Variants in NRXN3 observed in about 807,000 individuals in gnomAD.
NRXN3 encodes neurexin III.
A neutral mutation model predicts 137.6 loss-of-function variants in NRXN3; 32 were observed. The ratio of observed to expected loss-of-function variants is 0.23; its 90% CI spans 0.18 to 0.31. The LOEUF is 0.31. NRXN3 is among the 10% of genes least tolerant of loss of function. The pLI is 1.00. For synonymous variants in NRXN3, 798 were observed against 784.5 expected, an observed-to-expected ratio of 1.02 and a Z score of -0.29; for missense variants, 1,574 against 2,062.5, an observed-to-expected ratio of 0.76 and a Z score of 4.59.
chr14:79,658,581 A>G (rs2098517870), intron 16 of NRXN3, among the ~76,000 whole-genome samples: 1 of 151,434 alleles, frequency 6.6e-6, no homozygotes, highest in African/African-American at 2.5e-5. Context: ...ACCCATCACA[A>G]CGAGACCCAA....
intron 15 of NRXN3, among the ~76,000 whole-genome samples, chr14:79,241,696 T>C (rs2074330822): frequency 6.6e-6 from 1 of 152,046 alleles, no homozygotes; most frequent in South Asian, 2.1e-4. Flanking sequence ...AAAACAACAA[T>C]AACAGCAACA....
At chr14:79,090,517 A>G (rs2048959878) in intron 15 of NRXN3, among the ~76,000 whole-genome samples, 1 of 152,036 alleles carries the variant, frequency 6.6e-6, no homozygotes. Context: ...TTACCCATCA[A>G]GTGATCATGC....
intron 15 of NRXN3, among the ~76,000 whole-genome samples, chr14:78,991,320 C>T (rs2099518418): frequency 6.6e-6 from 1 of 152,318 alleles, no homozygotes. Flanking sequence ...AGTCGAGTGC[C>T]ATCAAGGAAA....
chr14:79,678,092 T>C (rs1376068137), intron 17 of NRXN3, among the ~76,000 whole-genome samples: 2 of 152,178 alleles, frequency 1.3e-5, no homozygotes, highest in African/African-American at 2.4e-5. Flanking sequence ...CTCCCTCTTC[T>C]GGCTTCGATT....
intron 10 of NRXN3, among the ~76,000 whole-genome samples, chr14:78,816,708 A>T (rs898682963): frequency 2.0e-5 from 3 of 152,212 alleles, no homozygotes; most frequent in African/African-American, 7.2e-5. Context: ...TAAGTGCATT[A>T]TAAATATTGA....
intron 4 of NRXN3, among the ~76,000 whole-genome samples, chr14:78,404,797 G>T (rs923149240): frequency 2.0e-5 from 3 of 152,158 alleles, no homozygotes; most frequent in African/African-American, 7.2e-5. Flanking sequence ...GGAGTAATAA[G>T]GGAGAGTAAT....
intron 2 of NRXN3, among the ~76,000 whole-genome samples, chr14:78,272,929 C>T (rs1279340547): frequency 1.3e-5 from 2 of 152,036 alleles, no homozygotes; most frequent in Non-Finnish European, 2.9e-5. Flanking sequence ...TGTAAACTGT[C>T]TTTTCTTCGG....
intron 20 of NRXN3, among the ~76,000 whole-genome samples, chr14:79,859,684 G>A (rs2099410279): frequency 6.6e-6 from 1 of 152,042 alleles, no homozygotes; most frequent in African/African-American, 2.4e-5. Flanking sequence ...CTCAAACACT[G>A]ATTATACTAT....
intron 15 of NRXN3, among the ~76,000 whole-genome samples, chr14:79,366,313 G>A (rs190910020): frequency 4.6e-5 from 7 of 152,144 alleles, no homozygotes; most frequent in Admixed American, 4.6e-4. Context: ...TTTGTGTTAG[G>A]AACATTCCAA....
At position 78,913,992 on chromosome 14, in the gene NRXN3, T is replaced by A. The variant is rs561235376; in HGVS notation, c.2276-43250T>A. The stretch of plus-strand genomic sequence containing the variant: ...TGACACATCCCAGTCCTATTCCCAG[T>A]TCTGTGCCGGAGTCTCTGAACACTT... On this transcript the variant is annotated intron_variant, in intron 10 of 20. Transcript: ENST00000335750. 2.0e-5 allele frequency among the ~76,000 whole-genome samples: 3 copies of A among 152,304 alleles called. No individual in the cohort carries two copies. The South Asian group carries it at 6.2e-4, about 32-fold the overall frequency.
intron 4 of NRXN3, among the ~76,000 whole-genome samples, chr14:78,426,921 G>A (rs56063448): frequency 6.6e-6 from 1 of 152,106 alleles, no homozygotes; most frequent in Non-Finnish European, 1.5e-5. Context: ...GAGAGGCAGA[G>A]TTCAGATTTG....
chr14:79,662,799 A>G (rs544126575), intron 16 of NRXN3, among the ~76,000 whole-genome samples: 2 of 152,136 alleles, frequency 1.3e-5, no homozygotes, highest in East Asian at 3.9e-4. Context: ...ACCAGATCTC[A>G]TAAGAACTCA....
intron 2 of NRXN3, among the ~76,000 whole-genome samples, chr14:78,257,492 T>C (rs1473273726): frequency 6.6e-6 from 1 of 152,216 alleles, no homozygotes; most frequent in Non-Finnish European, 1.5e-5. Context: ...TGTGGGCGCG[T>C]GCCTGTGCAC....
chr14:79,173,707 TAAG>T (rs1348379537), intron 15 of NRXN3, among the ~76,000 whole-genome samples: 1 of 152,014 alleles, frequency 6.6e-6, no homozygotes, highest in Non-Finnish European at 1.5e-5. Context: ...TGACATGTAA[TAAG>T]AAGTTGGAAG....
rs767156426 is a variant in NRXN3 at position 78,957,339 on chromosome 14, C to T, written c.2373C>T (p.Thr791=). 8 of 1,613,902 alleles carry T rather than the reference C, an allele frequency of 5.0e-6. No individual in the cohort carries two copies. Among genetic ancestry groups the T allele is most frequent in the South Asian group, 1.1e-5 (1 of 91,028 alleles). Residue 791 remains threonine, a synonymous_variant, in exon 11 of 21, where the codon ACC becomes ACT. Coordinates refer to ENST00000335750, the MANE Select transcript of NRXN3 (RefSeq NM_001330195.2). ...VVRRGKSLKL[T]VDDDVAEGTM... is the part of the protein sequence containing the mutation. ...GGAGAGGAAAAAGCCTTAAGTTAAC[C>T]GTGGATGATGATGTGGCTGAGGGTG...
chr14:78,987,706 C>T (rs994912862), intron 14 of NRXN3, among the ~76,000 whole-genome samples: 8 of 151,708 alleles, frequency 5.3e-5, no homozygotes, highest in Non-Finnish European at 4.4e-5. Context: ...AAGCTATAAT[C>T]CAAATGAGAT....
intron 16 of NRXN3, among the ~76,000 whole-genome samples, chr14:79,488,483 T>A (rs1286507660): frequency 6.6e-6 from 1 of 152,126 alleles, no homozygotes; most frequent in Non-Finnish European, 1.5e-5. Context: ...AAGGAGCCAG[T>A]ACAAAGGCAG....
At chr14:78,924,921 A>G (rs1268411985) in intron 10 of NRXN3, among the ~76,000 whole-genome samples, 1 of 152,204 alleles carries the variant, frequency 6.6e-6, no homozygotes, top group Non-Finnish European at 1.5e-5. Flanking sequence ...CCTACTGAAG[A>G]GGAACAGGAG....
At chr14:79,212,323 G>T (rs376177703) in intron 15 of NRXN3, among the ~76,000 whole-genome samples, 1 of 152,290 alleles carries the variant, frequency 6.6e-6, no homozygotes, top group Non-Finnish European at 1.5e-5. Context: ...GAGAAAGACT[G>T]TGAAATGATT....
Sources: gnomAD v4.1 joint callset for allele counts (sites outside exome capture counted in the v4.1 genomes callset) on GRCh38, gnomAD v4.1.1 for gene constraint, MANE v1.5 for transcripts, NCBI Gene and HGNC (gene_info 2026-07-23, HGNC 2026-07-21) for gene names.